Variants in RP1L1 observed in about 807,000 individuals in gnomAD.
RP1L1 encodes RP1 like 1, also known as retinitis pigmentosa 1-like 1 protein.
RP1L1 carries 27 observed loss-of-function variants against 15.7 expected under a neutral mutation model. The observed-to-expected ratio is 1.72, with a 90% CI of 1.27 to 2.38. The LOEUF is 2.38. RP1L1 is among the 30% of genes most tolerant of loss of function. The probability of loss-of-function intolerance (pLI) is 0.00; values close to 1 mark genes in which losing one functional copy is unlikely to be tolerated. For synonymous variants in RP1L1, 1,813 were observed against 1,276.7 expected (o/e 1.42, Z -8.96); for missense variants, 4,798 against 3,075.9 (o/e 1.56, Z -13.24).
At chr8:10,623,366 G>A in intron 1 of RP1L1, 146 bp from the exon 2 acceptor site, 1 of 676,948 alleles carries the variant, frequency 1.5e-6, no homozygotes, top group Non-Finnish European at 2.4e-6. Flanking sequence ...TATTTGGATG[G>A]AACAGAAGGA....
At chr8:10,617,555 T>TTC (rs1797989547) in intron 2 of RP1L1, among the ~76,000 whole-genome samples, 1 of 117,888 alleles carries the variant, frequency 8.5e-6, no homozygotes, top group African/African-American at 3.4e-5. Flanking sequence ...TCTTTTTTTT[T>TTC]TTTTTTTTTT....
intron 1 of RP1L1, among the ~76,000 whole-genome samples, chr8:10,630,046 G>A (rs369327403): frequency 6.6e-5 from 10 of 152,324 alleles, no homozygotes; most frequent in African/African-American, 2.2e-4. Flanking sequence ...TGGGAGTCAG[G>A]GTGGTGAGGG....
intron 1 of RP1L1, among the ~76,000 whole-genome samples, chr8:10,624,687 G>C (rs1798129035): frequency 6.6e-6 from 1 of 152,226 alleles, no homozygotes; most frequent in Non-Finnish European, 1.5e-5. Context: ...CTTCTTGCAA[G>C]CTGGGATCAG....
At position 10,611,578 on chromosome 8, in the gene RP1L1, T is replaced by A. The variant is rs1306732378; in HGVS notation, c.2520A>T (p.Gly840=). The A allele has an allele frequency of 6.2e-7, 1 of 1,608,092 alleles. No individual in the cohort carries two copies. Among genetic ancestry groups the A allele is most frequent in the South Asian group, 1.1e-5 (1 of 90,602 alleles). The part of the protein sequence containing the change: ...GTQPAQEAQR[G]PSPEASWLCG... The stretch of plus-strand genomic sequence containing the variant: ...ACAGCCAGCTAGCCTCAGGGGAGGG[T>A]CCCCGCTGGGCCTCTTGGGCCGGCT... Residue 840 remains glycine (G), a synonymous_variant, in exon 4 of 4, where the codon GGA becomes GGT. Coordinates refer to ENST00000382483, the MANE Select transcript of RP1L1 (RefSeq NM_178857.6).
At chr8:10,620,892 C>T (rs138887166) in intron 2 of RP1L1, among the ~76,000 whole-genome samples, 163 of 152,282 alleles carry the variant, frequency 1.1e-3, no homozygotes, top group African/African-American at 3.7e-3. Flanking sequence ...AGGGCTCAGA[C>T]CCCTCAGGAA....
At chr8:10,636,439 G>A (rs888309280) in intron 1 of RP1L1, among the ~76,000 whole-genome samples, 2 of 152,180 alleles carry the variant, frequency 1.3e-5, no homozygotes, top group African/African-American at 2.4e-5. Flanking sequence ...CGGTAAAATG[G>A]AGACATCGCA....
chr8:10,612,892 C>A lies in RP1L1; in HGVS notation c.1206G>T (p.Gly402=). Residue 402 remains glycine (G), a synonymous_variant, in exon 4 of 4, where the codon GGG becomes GGT. Transcript: ENST00000382483. ...REVFGRGGQP[G]PKYEIWTNPL... ...GATTCGTCCAGATTTCATACTTGGG[C>A]CCTGGCTGCCCGCCTCGGCCAAAGA... 6.2e-7 allele frequency: 1 copy of A among 1,612,800 alleles called. No individual in the cohort carries two copies. Among genetic ancestry groups the A allele is most frequent in the Non-Finnish European group, 8.5e-7 (1 of 1,179,880 alleles).
chr8:10,625,348 C>G (rs540177617), intron 1 of RP1L1, among the ~76,000 whole-genome samples: 3 of 152,194 alleles, frequency 2.0e-5, no homozygotes, highest in African/African-American at 7.2e-5. Flanking sequence ...CAGTACCACT[C>G]ACCTGGGGCG....
At chr8:10,623,932 G>A (rs2117229090) in intron 1 of RP1L1, among the ~76,000 whole-genome samples, 1 of 140,066 alleles carries the variant, frequency 7.1e-6, no homozygotes, top group Middle Eastern at 5.4e-3. Flanking sequence ...CAGAACCACT[G>A]TGTCCCCAGC....
chr8:10,612,139 G>A lies in RP1L1; in HGVS notation c.1959C>T (p.Ser653=). ...TCGGGGCCACTCGGCCAAGGCCAGG[G>A]CTGCTGGGTGAGGACATTGCACTGG... ...SRASAMSSPS[S]PGLGRVAPRG... is the part of the protein sequence containing the mutation. Residue 653 remains serine (S), a synonymous_variant, in exon 4 of 4, where the codon AGC becomes AGT. Coordinates refer to ENST00000382483, the MANE Select transcript of RP1L1 (RefSeq NM_178857.6). The A allele has an allele frequency of 6.2e-7, 1 of 1,613,630 alleles. No homozygotes were observed. Among genetic ancestry groups the A allele is most frequent in the Non-Finnish European group, 8.5e-7 (1 of 1,180,024 alleles).
At chr8:10,628,445 A>G (rs558778877) in intron 1 of RP1L1, among the ~76,000 whole-genome samples, 2 of 152,302 alleles carry the variant, frequency 1.3e-5, no homozygotes, top group Admixed American at 6.5e-5. Context: ...TTACAAGTGC[A>G]TGGGCTCCTG....
In RP1L1 at chr8:10,607,691, T is replaced by TC. The variant is rs2117190479; in HGVS notation, c.6406dup (p.Glu2136GlyfsTer3). ...CTCAGGCTGGGCCTCCCCTTCAGCC[T>TC]CTGGGGCCTCTATACCTTCTGACTC... On this transcript the variant is annotated frameshift_variant, in exon 4 of 4. Coordinates refer to ENST00000382483, the MANE Select transcript of RP1L1 (RefSeq NM_178857.6). LOFTEE classifies it low-confidence loss of function (END_TRUNC). The TC allele has an allele frequency of 6.2e-7, 1 of 1,600,560 alleles. No individual in the cohort carries two copies. Among genetic ancestry groups the TC allele is most frequent in the Non-Finnish European group, 8.5e-7 (1 of 1,172,286 alleles).
At chr8:10,637,761 G>T (rs576281041) in intron 1 of RP1L1, among the ~76,000 whole-genome samples, 3 of 152,200 alleles carry the variant, frequency 2.0e-5, no homozygotes, top group African/African-American at 7.2e-5. Context: ...ATTTCCCTAG[G>T]TTGGTTGAGA....
rs776585615 is a variant in RP1L1 at position 10,609,651 on chromosome 8, C to G, written c.4447G>C (p.Ala1483Pro). The G allele has an allele frequency of 6.2e-7, 1 of 1,610,158 alleles. No homozygotes were observed. Residue 1483 changes from alanine (A) to proline (P), a missense_variant, in exon 4 of 4, where the codon GCC becomes CCC. Ala to Pro is a conservative substitution (Grantham distance 27). Transcript: ENST00000382483. ...LEPGLEKPPG[A>P]TMMGQEHTQA... ...GTGTGCTCTTGGCCCATCATGGTGG[C>G]TCCGGGCGGCTTTTCCAAACCAGGC... is the stretch of plus-strand genomic sequence containing the variant.
At chr8:10,613,600 C>CAAAAAAAAA (rs71203341) in intron 3 of RP1L1, among the ~76,000 whole-genome samples, 1 of 62,358 alleles carries the variant, frequency 1.6e-5, no homozygotes, top group Non-Finnish European at 2.8e-5. Flanking sequence ...ACCATCTCTC[C>CAAAAAAAAA]AAAAAAAAAA....
In RP1L1 at chr8:10,632,015, C is replaced by T. The variant is rs1455113910; in HGVS notation, c.-19-8795G>A. Among the ~76,000 whole-genome samples the T allele has an allele frequency of 5.9e-5, 9 of 152,202 alleles. No individual in the cohort carries two copies. The East Asian group carries it at 1.5e-3, about 26-fold the overall frequency. ...GAGAATGTTTTTGTCATTTTGTCAT[C>T]GTGCTTCACACGGTGGGCAGTGGGG... On this transcript the variant is annotated intron_variant, in intron 1 of 3. Transcript: ENST00000382483.
chr8:10,646,546 G>A lies in RP1L1; in HGVS notation c.-20+8352C>T, dbSNP rs181863814. Among the ~76,000 whole-genome samples, 118 of 152,276 alleles carry A rather than the reference G, an allele frequency of 7.7e-4. 2 individuals are homozygous for A. The highest frequency in any genetic ancestry group is 7.6e-3 in the Admixed American group (117 of 15,302). On this transcript the variant is annotated intron_variant, in intron 1 of 3. Coordinates refer to ENST00000382483, the MANE Select transcript of RP1L1 (RefSeq NM_178857.6). ...ACACCCAGGGAATTCCAGGTCCCCA[G>A]TGTGGGCTCCAGACAGAGCAGAGGA...
Position 10,613,228 on chromosome 8 carries a change from G to T in RP1L1, c.870C>A (p.Gly290=), listed in dbSNP as rs776950059. 6.2e-7 allele frequency: 1 copy of T among 1,613,140 alleles called. No homozygotes were observed. The highest frequency in any genetic ancestry group is 2.2e-5 in the East Asian group (1 of 44,880). ...PSNPPVGPAP[G]RHPQDTPAQS... is the part of the protein sequence containing the mutation. ...GAGCTGGCGTGTCCTGAGGGTGCCT[G>T]CCAGGAGCAGGGCCCACCGGGGGGT... The change falls in exon 4 of 4, where the codon GGC becomes GGA. Residue 290 remains glycine, a synonymous_variant. Transcript: ENST00000382483.
Position 10,612,008 on chromosome 8 carries a change from T to C in RP1L1, c.2090A>G (p.Gln697Arg). The C allele has an allele frequency of 1.2e-6, 2 of 1,613,880 alleles. No homozygotes were observed. Among genetic ancestry groups the C allele is most frequent in the Non-Finnish European group, 1.7e-6 (2 of 1,180,032 alleles). ...AGAATATCGTGGCACTGAGCCATCCTGGCAGGCCCTTCGCCGCTCAGGAGG... is the reference window on the plus strand; with the variant it reads ...AGAATATCGTGGCACTGAGCCATCCCGGCAGGCCCTTCGCCGCTCAGGAGG... ...PRPPERRRAC[Q>R]DGSVPRYSGS... Residue 697 changes from glutamine to arginine, a missense_variant, in exon 4 of 4, where the codon CAG becomes CGG. Transcript: ENST00000382483.
Sources: gnomAD v4.1 joint callset for allele counts (sites outside exome capture counted in the v4.1 genomes callset) on GRCh38, gnomAD v4.1.1 for gene constraint, MANE v1.5 for transcripts, NCBI Gene and HGNC (gene_info 2026-07-23, HGNC 2026-07-21) for gene names.